Variants in FAM3C observed in about 807,000 individuals in gnomAD.
The protein encoded by FAM3C is protein FAM3C.
FAM3C carries 15 observed loss-of-function variants against 32.5 expected under a neutral mutation model. The ratio of observed to expected loss-of-function variants is 0.46; its 90% CI spans 0.31 to 0.71. FAM3C has a LOEUF of 0.71. FAM3C is among the 30% of genes least tolerant of loss of function. FAM3C has a pLI of 0.05. For missense variants in FAM3C, 175 were observed against 274.4 expected (o/e 0.64, Z 2.56); for synonymous variants, 75 against 86.1 (o/e 0.87, Z 0.72).
chr7:121,350,924 T>C (rs866838305), intron 9 of FAM3C, among the ~76,000 whole-genome samples: 19 of 152,300 alleles, frequency 1.2e-4, no homozygotes, highest in African/African-American at 4.6e-4. Context: ...TCCAATGCAT[T>C]GTCCTGTAGG....
intron 5 of FAM3C, among the ~76,000 whole-genome samples, chr7:121,368,331 C>G (rs1460468561): frequency 6.6e-6 from 1 of 152,170 alleles, no homozygotes; most frequent in Non-Finnish European, 1.5e-5. Context: ...AAACTGCCCC[C>G]ATTGAGACAC....
chr7:121,358,593 G>T (rs1329611773), intron 8 of FAM3C, among the ~76,000 whole-genome samples: 1 of 152,032 alleles, frequency 6.6e-6, no homozygotes, highest in Non-Finnish European at 1.5e-5. Flanking sequence ...GAATGGAACA[G>T]AACAGAAATT....
At chr7:121,389,798 C>A (rs1794540532) in intron 1 of FAM3C, among the ~76,000 whole-genome samples, 1 of 151,872 alleles carries the variant, frequency 6.6e-6, no homozygotes, top group Non-Finnish European at 1.5e-5. Context: ...ATGATTATGC[C>A]ACACCTTACT....
chr7:121,364,358 C>CCTG, intron 5 of FAM3C, 170 bp from the exon 6 acceptor site: 3 of 516,678 alleles, frequency 5.8e-6, no homozygotes, highest in South Asian at 3.2e-5. Flanking sequence ...CAGTCTAATA[C>CCTG]TGAATAATTT....
intron 1 of FAM3C, among the ~76,000 whole-genome samples, chr7:121,391,344 G>A (rs1441726612): frequency 6.6e-6 from 1 of 152,052 alleles, no homozygotes; most frequent in Non-Finnish European, 1.5e-5. Flanking sequence ...ATGAATGAAT[G>A]GATGGACAGA....
chr7:121,362,491 A>C (rs1793945398), intron 7 of FAM3C, among the ~76,000 whole-genome samples: 1 of 152,094 alleles, frequency 6.6e-6, no homozygotes, highest in Non-Finnish European at 1.5e-5. Context: ...GAGACTAAAA[A>C]ATCACATTTA....
intron 3 of FAM3C, among the ~76,000 whole-genome samples, chr7:121,372,777 T>C (rs192607288): frequency 1.5e-4 from 23 of 152,310 alleles, no homozygotes; most frequent in African/African-American, 5.1e-4. Context: ...ACTCAGATCA[T>C]CAGAGTATTG....
intron 8 of FAM3C, among the ~76,000 whole-genome samples, chr7:121,355,671 CTA>C (rs1299340631): frequency 6.6e-6 from 1 of 152,154 alleles, no homozygotes; most frequent in African/African-American, 2.4e-5. Context: ...AAAATAACCT[CTA>C]TGAATAAAAT....
chr7:121,386,915 T>A (rs1367726600), intron 1 of FAM3C, among the ~76,000 whole-genome samples: 1 of 152,042 alleles, frequency 6.6e-6, no homozygotes, highest in Non-Finnish European at 1.5e-5. Context: ...AAGCATGGTA[T>A]TTTTTAAAAA....
At chr7:121,354,712 A>G (rs746172674) in intron 8 of FAM3C, among the ~76,000 whole-genome samples, 2 of 152,214 alleles carry the variant, frequency 1.3e-5, no homozygotes, top group African/African-American at 2.4e-5. Context: ...AAGAGTAAGA[A>G]ATGCTAACTA....
intron 3 of FAM3C, among the ~76,000 whole-genome samples, chr7:121,373,858 T>C (rs1794192041): frequency 6.7e-6 from 1 of 149,706 alleles, no homozygotes. Flanking sequence ...CCATCTCTAC[T>C]ACAAATACAA....
In FAM3C at chr7:121,396,258, G is replaced by C. The variant is rs1278405861; in HGVS notation, c.-138C>G. 3 of 152,224 alleles carry C rather than the reference G, an allele frequency of 2.0e-5. No individual in the cohort carries two copies. Among genetic ancestry groups the C allele is most frequent in the African/African-American group, 4.8e-5 (2 of 41,410 alleles). 9.4% of individuals were successfully genotyped at this position (152,224 alleles called of 1,614,324 possible). A position where few individuals can be genotyped will look rare whatever the true frequency, so the allele number is the denominator to read the frequency against. ...CGACGGGAGCCGCCGCCTCCAGCTCGCGCCTCCGCTTCCTCTCGGACTCCT... is the reference window on the plus strand; with the variant it reads ...CGACGGGAGCCGCCGCCTCCAGCTCCCGCCTCCGCTTCCTCTCGGACTCCT... On this transcript the variant is annotated 5_prime_UTR_variant, in exon 1 of 10. Coordinates refer to ENST00000359943, the MANE Select transcript of FAM3C (RefSeq NM_014888.3).
intron 7 of FAM3C, among the ~76,000 whole-genome samples, chr7:121,361,532 T>C (rs1479956717): frequency 6.6e-6 from 1 of 152,214 alleles, no homozygotes; most frequent in African/African-American, 2.4e-5. Context: ...AACAACAGCT[T>C]TGTAAGACTC....
At chr7:121,359,207 T>C (rs2116882876) in intron 8 of FAM3C, among the ~76,000 whole-genome samples, 1 of 152,108 alleles carries the variant, frequency 6.6e-6, no homozygotes, top group East Asian at 1.9e-4. Context: ...AAGAAGTCTA[T>C]CTTAAAGACA....
intron 8 of FAM3C, among the ~76,000 whole-genome samples, chr7:121,358,283 C>A (rs929459946): frequency 6.6e-6 from 1 of 151,854 alleles, no homozygotes; most frequent in Non-Finnish European, 1.5e-5. Flanking sequence ...AAAATCAATA[C>A]ATAAAAATAC....
In FAM3C at chr7:121,352,430, TGG is replaced by T. The variant is rs572019409; in HGVS notation, c.468-1163_468-1162del. 3.9e-4 allele frequency among the ~76,000 whole-genome samples: 60 copies of T among 152,280 alleles called. No homozygotes were observed. In the South Asian group the frequency reaches 8.7e-3, roughly 22 times the overall value. On this transcript the variant is annotated intron_variant, in intron 8 of 9. Coordinates refer to ENST00000359943, the MANE Select transcript of FAM3C (RefSeq NM_014888.3). ...CTGTGGAGCTGTTTTGGCCACAGCC[TGG>T]GCACTGCTGTCCACCTGGAGGAAGT...
intron 8 of FAM3C, among the ~76,000 whole-genome samples, chr7:121,354,520 C>T (rs1793770278): frequency 6.6e-6 from 1 of 152,150 alleles, no homozygotes; most frequent in African/African-American, 2.4e-5. Flanking sequence ...TCAATCCTTG[C>T]TGGGAAAGGA....
chr7:121,362,391 G>A (rs1793942916), intron 7 of FAM3C, among the ~76,000 whole-genome samples: 2 of 152,086 alleles, frequency 1.3e-5, no homozygotes, highest in South Asian at 4.1e-4. Context: ...TCAGAGGGTA[G>A]AACTGTGATG....
intron 8 of FAM3C, among the ~76,000 whole-genome samples, chr7:121,357,827 C>T (rs1355025441): frequency 2.4e-4 from 36 of 152,074 alleles, no homozygotes; most frequent in Admixed American, 2.2e-3. Context: ...CATTCCTCCC[C>T]TAGTTCTTAG....
Sources: gnomAD v4.1 joint callset for allele counts (sites outside exome capture counted in the v4.1 genomes callset) on GRCh38, gnomAD v4.1.1 for gene constraint, MANE v1.5 for transcripts, NCBI Gene and HGNC (gene_info 2026-07-23, HGNC 2026-07-21) for gene names.